MYZAP: variants seen among roughly 807,000 people sequenced by gnomAD.
MYZAP encodes the protein GRINL1A complex locus upstream.
MYZAP carries 66 observed loss-of-function variants against 69.4 expected under a neutral mutation model. That is an observed-to-expected ratio of 0.95 (90% confidence interval 0.78 to 1.17). MYZAP has a LOEUF of 1.17. MYZAP is among the 50% of genes most tolerant of loss of function. MYZAP has a pLI of 0.00. For missense variants in MYZAP, 611 were observed against 556.2 expected (o/e 1.10, Z -0.99); for synonymous variants, 256 against 205.9 (o/e 1.24, Z -2.09).
At chr15:57,622,708 A>G (rs1001597764) in intron 4 of MYZAP, among the ~76,000 whole-genome samples, 10 of 152,330 alleles carry the variant, frequency 6.6e-5, no homozygotes, top group African/African-American at 2.4e-4. Context: ...CTAAATTCCT[A>G]AAGTATCAAA....
At chr15:57,668,095 T>C (rs995791097) in intron 11 of MYZAP, among the ~76,000 whole-genome samples, 2 of 152,220 alleles carry the variant, frequency 1.3e-5, no homozygotes, top group African/African-American at 4.8e-5. Flanking sequence ...CTCAGCATAA[T>C]GATTTGAGGC....
rs763946935 is a variant in MYZAP, at chr15:57,674,997, T to C, written c.1233T>C (p.Tyr411=). The change falls in exon 12 of 13, where the codon TAT becomes TAC. Residue 411 remains tyrosine, a synonymous_variant. Coordinates refer to ENST00000267853, the MANE Select transcript of MYZAP (RefSeq NM_001018100.5). ...ATGAACTACAAAGCAGGTTGGACTA[T>C]TTAACAGAAACCCAGGCCAAGACCG... The part of the protein sequence containing the change: ...ENNELQSRLD[Y]LTETQAKTEV... 6.2e-7 allele frequency: 1 copy of C among 1,613,710 alleles called. No homozygotes were observed. Among genetic ancestry groups the C allele is most frequent in the Non-Finnish European group, 8.5e-7 (1 of 1,179,656 alleles).
chr15:57,670,274 T>C (rs2038805634), intron 11 of MYZAP, among the ~76,000 whole-genome samples: 1 of 152,100 alleles, frequency 6.6e-6, no homozygotes, highest in African/African-American at 2.4e-5. Context: ...TGAAACTCTG[T>C]TACTAGGTAT....
At chr15:57,629,945 CT>C in intron 6 of MYZAP, 91 bp downstream of exon 6, 1 of 1,433,940 alleles carries the variant, frequency 7.0e-7, no homozygotes. Context: ...TTTCCATTTC[CT>C]TTTCTCCATT....
intron 12 of MYZAP, among the ~76,000 whole-genome samples, chr15:57,684,027 C>G (rs552471485): frequency 1.0e-3 from 153 of 152,256 alleles, no homozygotes; most frequent in Non-Finnish European, 1.7e-3. Context: ...CTCCCGACTT[C>G]AGGTGATCCC....
At chr15:57,675,510 A>G (rs183719429) in intron 12 of MYZAP, among the ~76,000 whole-genome samples, 49 of 152,318 alleles carry the variant, frequency 3.2e-4, no homozygotes, top group Admixed American at 1.8e-3. Flanking sequence ...CTTTAGTGAT[A>G]TACAAGAGGG....
chr15:57,629,513 A>C (rs1278830772), intron 5 of MYZAP, among the ~76,000 whole-genome samples, 189 bp from the exon 6 acceptor site: 2 of 152,182 alleles, frequency 1.3e-5, no homozygotes, highest in African/African-American at 4.8e-5. Flanking sequence ...TCCAAGCTAC[A>C]GGGGCAGACC....
chr15:57,640,474 A>C (rs1302490662), intron 10 of MYZAP, among the ~76,000 whole-genome samples: 1 of 152,250 alleles, frequency 6.6e-6, no homozygotes, highest in East Asian at 1.9e-4. Flanking sequence ...AAAAATGAAA[A>C]CACATTTTCC....
intron 4 of MYZAP, among the ~76,000 whole-genome samples, chr15:57,624,659 A>G (rs2036018217): frequency 1.3e-5 from 2 of 152,156 alleles, no homozygotes; most frequent in Admixed American, 1.3e-4. Flanking sequence ...CATCTCCTAC[A>G]CACCCTCATT....
intron 2 of MYZAP, among the ~76,000 whole-genome samples, chr15:57,612,485 ATCTT>A (rs2035170098): frequency 6.6e-6 from 1 of 152,312 alleles, no homozygotes; most frequent in East Asian, 1.9e-4. Flanking sequence ...CAAATATTCC[ATCTT>A]TCTTTTTCCC....
At chr15:57,604,004 A>G (rs2034580413) in intron 1 of MYZAP, among the ~76,000 whole-genome samples, 1 of 152,222 alleles carries the variant, frequency 6.6e-6, no homozygotes, top group Admixed American at 6.5e-5. Context: ...AAACTGAGCC[A>G]TTGGTAAAGA....
At chr15:57,647,815 C>T in intron 10 of MYZAP, 1 of 985,406 alleles carries the variant, frequency 1.0e-6, no homozygotes, top group Non-Finnish European at 1.2e-6. Context: ...CCTACCTCAG[C>T]CTGCTCTTGT....
At chr15:57,649,220 C>G (rs770107570) in intron 10 of MYZAP, among the ~76,000 whole-genome samples, 5 of 152,136 alleles carry the variant, frequency 3.3e-5, no homozygotes, top group African/African-American at 9.7e-5. Context: ...AGGAAGTATA[C>G]GTAAAGGAGG....
intron 2 of MYZAP, among the ~76,000 whole-genome samples, chr15:57,609,993 A>G (rs1301647471): frequency 2.6e-5 from 4 of 152,176 alleles, no homozygotes; most frequent in African/African-American, 4.8e-5. Flanking sequence ...CAGACTTAGC[A>G]TATTGAATCA....
chr15:57,592,666 A>G (rs1321931131), intron 1 of MYZAP, among the ~76,000 whole-genome samples: 1 of 152,184 alleles, frequency 6.6e-6, no homozygotes, highest in African/African-American at 2.4e-5. Context: ...TGATTTAAAT[A>G]TTAGCACAGT....
Position 57,620,475 on chromosome 15 carries a change from C to T in MYZAP, c.319-1133C>T, listed in dbSNP as rs2035738254. On this transcript the variant is annotated intron_variant, in intron 3 of 12. Transcript: ENST00000267853. ...GAGTACTTTCCCCATCCTAGGGATA[C>T]CAGAAGAAGGGAGGAGACAGGGACT... Among the ~76,000 whole-genome samples the T allele has an allele frequency of 2.0e-5, 3 of 152,136 alleles. No homozygotes were observed. The South Asian group carries it at 6.2e-4, about 31-fold the overall frequency.
At chr15:57,638,621 C>T (rs1041567883) in intron 9 of MYZAP, among the ~76,000 whole-genome samples, 1 of 152,134 alleles carries the variant, frequency 6.6e-6, no homozygotes, top group African/African-American at 2.4e-5. Context: ...CCAGCCCCAG[C>T]GGCCCCAGAG....
chr15:57,674,876 GC>G, intron 11 of MYZAP, 91 bp from the exon 12 acceptor site: 1 of 1,132,714 alleles, frequency 8.8e-7, no homozygotes, highest in Non-Finnish European at 1.3e-6. Context: ...ATGTCATGGG[GC>G]AAAATCAGAT....
At chr15:57,593,365 A>T (rs2033850250) in intron 1 of MYZAP, among the ~76,000 whole-genome samples, 1 of 152,062 alleles carries the variant, frequency 6.6e-6, no homozygotes, top group African/African-American at 2.4e-5. Flanking sequence ...GTATTTTTCT[A>T]TGGAAATCTT....
Sources: gnomAD v4.1 joint callset for allele counts (sites outside exome capture counted in the v4.1 genomes callset) on GRCh38, gnomAD v4.1.1 for gene constraint, MANE v1.5 for transcripts, NCBI Gene and HGNC (gene_info 2026-07-23, HGNC 2026-07-21) for gene names.